The following NHSL2 variants were observed in gnomAD, a reference collection of about 807,000 sequenced individuals.
NHSL2 encodes the protein NHS-like protein 2.
In NHSL2, 27 loss-of-function variants were observed where a neutral mutation model predicts 53.4. That is an observed-to-expected ratio of 0.51 (90% CI 0.37 to 0.70). NHSL2 has a LOEUF of 0.70. Among genes scored for constraint, NHSL2 ranks in the 30% least tolerant of loss-of-function variants. The pLI, the probability that NHSL2 is intolerant of heterozygous loss-of-function variation, is 0.00. For synonymous variants in NHSL2, 408 were observed against 404.1 expected (o/e 1.01, Z -0.12); for missense variants, 892 against 980.1 (o/e 0.91, Z 1.20).
intron 1 of NHSL2, among the ~76,000 whole-genome samples, chrX:72,054,303 C>T (rs1280635350): frequency 9.0e-6 from 1 of 111,097 alleles, no homozygotes; most frequent in East Asian, 2.8e-4. Flanking sequence ...CTTTAGGAAA[C>T]CCCCCAATCT....
chrX:72,050,611 A>T (rs1318254354), intron 1 of NHSL2, among the ~76,000 whole-genome samples: 1 of 112,174 alleles, frequency 8.9e-6, no homozygotes, highest in Non-Finnish European at 1.9e-5. Flanking sequence ...AAAACATTAC[A>T]GTCCAGGCCT....
chrX:71,958,605 T>C (rs917461473), intron 1 of NHSL2, among the ~76,000 whole-genome samples: 2 of 111,470 alleles, frequency 1.8e-5, no homozygotes, highest in Admixed American at 1.9e-4. Context: ...CAGTGGGGAA[T>C]TGGGTAGCGA....
intron 1 of NHSL2, among the ~76,000 whole-genome samples, chrX:72,017,671 C>T (rs2042141140): frequency 8.9e-6 from 1 of 112,419 alleles, no homozygotes; most frequent in Non-Finnish European, 1.9e-5. Flanking sequence ...CGTTCTCCCC[C>T]TACAAGGTCA....
intron 1 of NHSL2, among the ~76,000 whole-genome samples, chrX:72,007,340 G>C (rs1457029171): frequency 8.9e-6 from 1 of 112,909 alleles, no homozygotes; most frequent in African/African-American, 3.2e-5. Flanking sequence ...TTAATTAATA[G>C]GCATTAGTGC....
intron 1 of NHSL2, among the ~76,000 whole-genome samples, chrX:71,985,058 C>G (rs754118238): frequency 4.3e-4 from 48 of 110,765 alleles, no homozygotes; most frequent in African/African-American, 1.5e-3. Flanking sequence ...CTCCTGACCT[C>G]GTGGTCCGCC....
chrX:71,964,029 A>ATATATATGTGTGTGTGTG (rs1556312370), intron 1 of NHSL2, among the ~76,000 whole-genome samples: 1 of 32,072 alleles, frequency 3.1e-5, no homozygotes, highest in Non-Finnish European at 4.8e-5. Flanking sequence ...ATATATGTGT[A>ATATATATGTGTGTGTGTG]TATATATATA....
At chrX:71,920,022 G>C (rs1347692084) in intron 1 of NHSL2, among the ~76,000 whole-genome samples, 2 of 112,670 alleles carry the variant, frequency 1.8e-5, no homozygotes, top group Non-Finnish European at 3.8e-5. Context: ...CCTTCTCACA[G>C]AACTTATGGG....
intron 1 of NHSL2, among the ~76,000 whole-genome samples, chrX:72,025,686 C>CACGAGAGACAG (rs2042182052): frequency 8.9e-6 from 1 of 112,187 alleles, no homozygotes; most frequent in Non-Finnish European, 1.9e-5. Flanking sequence ...TGAGTGGAAA[C>CACGAGAGACAG]TAAGTGACAC....
chrX:72,123,536 G>A (rs1439134688), intron 1 of NHSL2, among the ~76,000 whole-genome samples: 2 of 111,258 alleles, frequency 1.8e-5, no homozygotes, highest in Admixed American at 1.9e-4. Flanking sequence ...GCTGAACTGT[G>A]GGTGGAGAGG....
chrX:72,004,369 C>T (rs2042084188), intron 1 of NHSL2, among the ~76,000 whole-genome samples: 1 of 112,080 alleles, frequency 8.9e-6, no homozygotes, highest in African/African-American at 3.2e-5. Context: ...ACACCCACAC[C>T]GTGAGCTGCT....
chrX:72,035,280 A>G (rs1437935576), intron 1 of NHSL2, among the ~76,000 whole-genome samples: 1 of 111,029 alleles, frequency 9.0e-6, no homozygotes, highest in East Asian at 2.8e-4. Context: ...GTGACTTCAA[A>G]TATTTTTAAG....
rs773871124 is a variant in NHSL2 at position 72,140,176 on chromosome X, G to A, written c.2628G>A (p.Pro876=). 7.4e-6 allele frequency: 9 copies of A among 1,210,849 alleles called. No individual in the cohort carries two copies. The highest frequency in any genetic ancestry group is 3.0e-5 in the East Asian group (1 of 33,818). Residue 876 remains proline, a synonymous_variant, in exon 6 of 8, where the codon CCG becomes CCA. Coordinates refer to ENST00000633930, the MANE Select transcript of NHSL2 (RefSeq NM_001013627.3). The part of the protein sequence containing the change: ...KTKPPVAEKP[P]VARRPPSLVH... The stretch of plus-strand genomic sequence containing the variant: ...AACCTCCCGTAGCTGAGAAGCCTCC[G>A]GTGGCCCGGAGGCCTCCAAGCTTGG...
chrX:71,958,186 A>G (rs1265100704), intron 1 of NHSL2, among the ~76,000 whole-genome samples: 1 of 110,707 alleles, frequency 9.0e-6, no homozygotes, highest in Non-Finnish European at 1.9e-5. Context: ...AGCACAGAGA[A>G]CTGCAAATCA....
intron 1 of NHSL2, among the ~76,000 whole-genome samples, chrX:71,911,786 C>G (rs944066155): frequency 2.7e-5 from 3 of 113,103 alleles, no homozygotes; most frequent in African/African-American, 9.6e-5. Flanking sequence ...TTGCTCCTGT[C>G]TAGGAGCTCG....
intron 1 of NHSL2, among the ~76,000 whole-genome samples, chrX:71,918,185 G>T (rs1031118083): frequency 3.6e-5 from 4 of 111,304 alleles, no homozygotes; most frequent in African/African-American, 1.3e-4. Flanking sequence ...ACCTGCCTGT[G>T]TGTCCCCGGC....
Position 72,129,779 on chromosome X carries a change from G to A in NHSL2, c.281-2300G>A, listed in dbSNP as rs977978077. ...GGCAGGTATGGCAGCAATAGCAGGG[G>A]CGGGGGATGCAAAAGAAGGGTGTGT... On this transcript the variant is annotated intron_variant, in intron 1 of 7. Transcript: ENST00000633930. 16 of 1,106,117 alleles carry A rather than the reference G, an allele frequency of 1.4e-5. No individual in the cohort carries two copies. The Admixed American group carries it at 4.3e-4, about 29-fold the overall frequency. 91.2% of individuals were successfully genotyped at this position (1,106,117 alleles called of 1,213,427 possible). A position where few individuals can be genotyped will look rare whatever the true frequency, so the allele number is the denominator to read the frequency against.
intron 6 of NHSL2, 190 bp downstream of exon 6, chrX:72,140,961 A>G (rs1233276312): frequency 2.6e-6 from 1 of 385,495 alleles, no homozygotes; most frequent in African/African-American, 2.6e-5. Flanking sequence ...TGAGATCAAG[A>G]CTAGCCCGAG....
At chrX:72,003,084 AATT>A (rs1199800151) in intron 1 of NHSL2, among the ~76,000 whole-genome samples, 4 of 109,374 alleles carry the variant, frequency 3.7e-5, no homozygotes, top group Non-Finnish European at 7.6e-5. Flanking sequence ...AACATGGAGA[AATT>A]ATGCGTGTTT....
chrX:72,041,279 C>A (rs1403405673), intron 1 of NHSL2, among the ~76,000 whole-genome samples: 1 of 111,666 alleles, frequency 9.0e-6, no homozygotes, highest in East Asian at 2.8e-4. Context: ...ATACAAAGAT[C>A]CACACGAACA....
Sources: gnomAD v4.1 joint callset for allele counts (sites outside exome capture counted in the v4.1 genomes callset) on GRCh38, gnomAD v4.1.1 for gene constraint, MANE v1.5 for transcripts, NCBI Gene and HGNC (gene_info 2026-07-23, HGNC 2026-07-21) for gene names.